SLC1A3: variants seen among roughly 807,000 people sequenced by gnomAD.
SLC1A3 encodes solute carrier family 1 member 3, also known as excitatory amino acid transporter 1.
In SLC1A3, 21 loss-of-function variants were observed where a neutral mutation model predicts 48.1. That is an observed-to-expected ratio of 0.44 (90% CI 0.31 to 0.63). SLC1A3 has a LOEUF of 0.63. SLC1A3 is among the 20% of genes least tolerant of loss of function. The probability of loss-of-function intolerance (pLI) is 0.08; values close to 1 mark genes in which losing one functional copy is unlikely to be tolerated. For missense variants in SLC1A3, 546 were observed against 689.0 expected, an observed-to-expected ratio of 0.79 and a Z score of 2.32; for synonymous variants, 239 against 251.4, an observed-to-expected ratio of 0.95 and a Z score of 0.47.
intron 8 of SLC1A3, 61 bp from the exon 9 acceptor site, chr5:36,683,803 T>C: frequency 6.3e-7 from 1 of 1,598,728 alleles, no homozygotes; most frequent in Non-Finnish European, 8.6e-7. Flanking sequence ...TTTTGCAGCG[T>C]ATATGCTCTA....
intron 3 of SLC1A3, among the ~76,000 whole-genome samples, chr5:36,641,842 CACTT>C (rs1740626979): frequency 6.6e-6 from 1 of 152,096 alleles, no homozygotes; most frequent in Non-Finnish European, 1.5e-5. Context: ...AGTAGGAGCA[CACTT>C]ACTATGTGAA....
chr5:36,618,056 T>C (rs181579557), intron 2 of SLC1A3, among the ~76,000 whole-genome samples: 137 of 152,342 alleles, frequency 9.0e-4, no homozygotes, highest in African/African-American at 2.9e-3. Flanking sequence ...GAGTGGACTT[T>C]GCAGTTTGTG....
chr5:36,680,799 C>A (rs1342461710), intron 8 of SLC1A3, among the ~76,000 whole-genome samples: 1 of 152,016 alleles, frequency 6.6e-6, no homozygotes, highest in Non-Finnish European at 1.5e-5. Context: ...GGCCTGTGGT[C>A]CCAGCTACTT....
chr5:36,649,643 CA>C (rs2111840944), intron 3 of SLC1A3, among the ~76,000 whole-genome samples: 1 of 152,318 alleles, frequency 6.6e-6, no homozygotes, highest in South Asian at 2.1e-4. Context: ...TAATGAGGTA[CA>C]GTTCACTTTG....
upstream of SLC1A3, among the ~76,000 whole-genome samples, chr5:36,605,247 A>G (rs951334382): frequency 6.6e-6 from 1 of 152,210 alleles, no homozygotes; most frequent in Non-Finnish European, 1.5e-5. Context: ...AAAACATGGT[A>G]TAATTAAGTG....
intron 2 of SLC1A3, among the ~76,000 whole-genome samples, chr5:36,628,206 T>C (rs952277761): frequency 6.6e-6 from 1 of 152,206 alleles, no homozygotes; most frequent in African/African-American, 2.4e-5. Context: ...ATTAAGATTC[T>C]TATTAGAATA....
At chr5:36,670,218 A>T (rs1029067693) in intron 3 of SLC1A3, among the ~76,000 whole-genome samples, 1 of 152,256 alleles carries the variant, frequency 6.6e-6, no homozygotes, top group Admixed American at 6.5e-5. Flanking sequence ...TTTCTCTAGG[A>T]TGACACCTTG....
At chr5:36,680,927 A>G (rs1183194526) in intron 8 of SLC1A3, among the ~76,000 whole-genome samples, 2 of 152,098 alleles carry the variant, frequency 1.3e-5, no homozygotes, top group Admixed American at 1.3e-4. Flanking sequence ...AAAAAAAAAA[A>G]AAAAGAATGC....
chr5:36,611,744 C>T (rs559032540), intron 2 of SLC1A3, among the ~76,000 whole-genome samples: 1 of 152,066 alleles, frequency 6.6e-6, no homozygotes, highest in Non-Finnish European at 1.5e-5. Flanking sequence ...TGGTTATTGT[C>T]TTTCTTCCTC....
At chr5:36,678,493 T>C (rs1422360930) in intron 6 of SLC1A3, among the ~76,000 whole-genome samples, 1 of 152,240 alleles carries the variant, frequency 6.6e-6, no homozygotes, top group Non-Finnish European at 1.5e-5. Flanking sequence ...CGCTGAGTTA[T>C]TATATTTCTG....
intron 3 of SLC1A3, among the ~76,000 whole-genome samples, chr5:36,652,110 C>T (rs1179956543): frequency 6.6e-6 from 1 of 152,154 alleles, no homozygotes; most frequent in Non-Finnish European, 1.5e-5. Flanking sequence ...TGATTCAATC[C>T]TTCAGCTAAT....
intron 1 of SLC1A3, among the ~76,000 whole-genome samples, chr5:36,597,233 CTTTTTTTTTTT>C (rs70976237): frequency 1.1e-3 from 49 of 46,112 alleles, no homozygotes; most frequent in East Asian, 7.1e-3. Context: ...TTCTTCCTTT[CTTTTTTTTTTT>C]TTTTTTTTTT....
At chr5:36,662,962 G>A (rs1159195948) in intron 3 of SLC1A3, among the ~76,000 whole-genome samples, 1 of 152,216 alleles carries the variant, frequency 6.6e-6, no homozygotes, top group Non-Finnish European at 1.5e-5. Context: ...TTTGATGTTA[G>A]AAGTAGCAGT....
chr5:36,603,135 T>C (rs1375072794), upstream of SLC1A3, among the ~76,000 whole-genome samples: 2 of 152,138 alleles, frequency 1.3e-5, no homozygotes, highest in Admixed American at 6.5e-5. Flanking sequence ...TGACTAGGAG[T>C]GGAGTTCAAG....
chr5:36,662,561 T>C (rs1262483576), intron 3 of SLC1A3, among the ~76,000 whole-genome samples: 4 of 152,164 alleles, frequency 2.6e-5, no homozygotes, highest in Admixed American at 2.6e-4. Flanking sequence ...TACTCTCTGG[T>C]TCCTCTTCAA....
upstream of SLC1A3, among the ~76,000 whole-genome samples, chr5:36,604,911 G>GC (rs943366859): frequency 1.3e-5 from 2 of 149,054 alleles, 1 homozygote; most frequent in Non-Finnish European, 3.0e-5. Context: ...AGCGGTGGGG[G>GC]GGGGGGGTGT....
At chr5:36,635,412 A>C (rs1006366213) in intron 3 of SLC1A3, among the ~76,000 whole-genome samples, 1 of 152,234 alleles carries the variant, frequency 6.6e-6, no homozygotes, top group Middle Eastern at 3.2e-3. Flanking sequence ...ACAGAGCTTC[A>C]AGTCAGGGAC....
At chr5:36,605,581 A>C (rs1379750279), upstream of SLC1A3, among the ~76,000 whole-genome samples, 4 of 152,224 alleles carry the variant, frequency 2.6e-5, no homozygotes, top group Non-Finnish European at 4.4e-5. Flanking sequence ...CATATTTTGC[A>C]TGGGGAATAT....
At chr5:36,622,734 G>T (rs567139094) in intron 2 of SLC1A3, among the ~76,000 whole-genome samples, 2 of 152,034 alleles carry the variant, frequency 1.3e-5, no homozygotes, top group Non-Finnish European at 2.9e-5. Context: ...GTTGTTGGCC[G>T]GGCGCATTGG....
Sources: gnomAD v4.1 joint callset for allele counts (sites outside exome capture counted in the v4.1 genomes callset) on GRCh38, gnomAD v4.1.1 for gene constraint, MANE v1.5 for transcripts, NCBI Gene and HGNC (gene_info 2026-07-23, HGNC 2026-07-21) for gene names.